The following SLC8A3 variants were observed in gnomAD, a reference collection of about 807,000 sequenced individuals.
The protein encoded by SLC8A3 is sodium/calcium exchanger 3.
SLC8A3 carries 37 observed loss-of-function variants against 65.4 expected under a neutral mutation model. The ratio of observed to expected loss-of-function variants is 0.57; its 90% confidence interval spans 0.44 to 0.74. SLC8A3 has a LOEUF of 0.74. Among genes scored for constraint, SLC8A3 ranks in the 30% least tolerant of loss-of-function variants. The probability of loss-of-function intolerance (pLI) is 0.00; values close to 1 mark genes in which losing one functional copy is unlikely to be tolerated. For missense variants in SLC8A3, 1,112 were observed against 1,172.1 expected (o/e 0.95, Z 0.75); for synonymous variants, 461 against 444.5 (o/e 1.04, Z -0.47).
At chr14:70,151,540 C>T (rs930704926) in intron 2 of SLC8A3, among the ~76,000 whole-genome samples, 9 of 152,166 alleles carry the variant, frequency 5.9e-5, no homozygotes, top group South Asian at 2.1e-4. Context: ...GCACAGAGGT[C>T]GCTCTTCTAT....
At chr14:70,127,112 T>G (rs183837350) in intron 2 of SLC8A3, among the ~76,000 whole-genome samples, 1 of 148,692 alleles carries the variant, frequency 6.7e-6, no homozygotes, top group African/African-American at 2.5e-5. Flanking sequence ...TTCCCTATAA[T>G]GGCTCCCAAA....
intron 2 of SLC8A3, among the ~76,000 whole-genome samples, chr14:70,120,690 G>C (rs1414165497): frequency 1.3e-5 from 2 of 152,220 alleles, no homozygotes; most frequent in Non-Finnish European, 2.9e-5. Flanking sequence ...CTTTGGCCAA[G>C]CCACACAATG....
intron 2 of SLC8A3, among the ~76,000 whole-genome samples, chr14:70,099,888 T>C (rs1892450896): frequency 6.6e-6 from 1 of 152,186 alleles, no homozygotes; most frequent in African/African-American, 2.4e-5. Context: ...CCTAAATCAC[T>C]ACCTTACAGC....
At chr14:70,133,665 C>G (rs1237526348) in intron 2 of SLC8A3, among the ~76,000 whole-genome samples, 1 of 152,066 alleles carries the variant, frequency 6.6e-6, no homozygotes, top group African/African-American at 2.4e-5. Flanking sequence ...ATTCAGCTGA[C>G]CTGGCAGGAA....
intron 2 of SLC8A3, among the ~76,000 whole-genome samples, chr14:70,147,151 A>G (rs928442400): frequency 1.3e-5 from 2 of 152,114 alleles, no homozygotes; most frequent in Non-Finnish European, 1.5e-5. Context: ...AAGGTTTTCT[A>G]TGGTATTTGA....
chr14:70,151,008 A>G (rs1294231010), intron 2 of SLC8A3, among the ~76,000 whole-genome samples: 1 of 152,156 alleles, frequency 6.6e-6, no homozygotes, highest in Non-Finnish European at 1.5e-5. Flanking sequence ...TAATCCCCGC[A>G]CTTTGAGAGG....
chr14:70,044,902 T>A lies in SLC8A3; in HGVS notation c.*1045A>T, dbSNP rs1479375324. ...AATACAAACTTTTCTCTTAAAGATCTCACTGGTTGGACATCTCTTCTCTCC... is the reference window on the plus strand; with the variant it reads ...AATACAAACTTTTCTCTTAAAGATCACACTGGTTGGACATCTCTTCTCTCC... On this transcript the variant is annotated 3_prime_UTR_variant, in exon 7 of 7. Coordinates refer to ENST00000356921, the MANE Select transcript of SLC8A3 (RefSeq NM_182932.3). The A allele has an allele frequency of 3.9e-5, 6 of 152,222 alleles. No homozygotes were observed. In the East Asian group the frequency reaches 9.6e-4, roughly 24 times the overall value. 9.4% of individuals were successfully genotyped at this position (152,222 alleles called of 1,614,324 possible). A position where few individuals can be genotyped will look rare whatever the true frequency, so the allele number is the denominator to read the frequency against.
intron 6 of SLC8A3, 106 bp downstream of exon 6, chr14:70,048,661 G>A: frequency 1.0e-6 from 1 of 1,003,722 alleles, no homozygotes. Flanking sequence ...CAGAGGCTCT[G>A]TTAAGTTCAG....
chr14:70,182,018 C>T (rs1882792922), intron 1 of SLC8A3, among the ~76,000 whole-genome samples: 1 of 152,072 alleles, frequency 6.6e-6, no homozygotes, highest in Non-Finnish European at 1.5e-5. Flanking sequence ...TATTTTTATA[C>T]AAGAGGTGAT....
chr14:70,156,667 A>G (rs1050030989), intron 2 of SLC8A3, among the ~76,000 whole-genome samples: 5 of 152,188 alleles, frequency 3.3e-5, no homozygotes, highest in African/African-American at 1.2e-4. Context: ...GATTTCCTGG[A>G]AAGGCATCAA....
chr14:70,086,358 T>C (rs1891431413), intron 2 of SLC8A3, among the ~76,000 whole-genome samples: 1 of 152,072 alleles, frequency 6.6e-6, no homozygotes, highest in African/African-American at 2.4e-5. Context: ...AAAACAATTT[T>C]TTTAATTTAA....
chr14:70,111,577 C>T (rs1893305698), intron 2 of SLC8A3, among the ~76,000 whole-genome samples: 1 of 152,040 alleles, frequency 6.6e-6, no homozygotes, highest in South Asian at 2.1e-4. Context: ...TTACAAGAGG[C>T]AGAATATAAT....
At chr14:70,177,484 G>A (rs564799227) in intron 1 of SLC8A3, among the ~76,000 whole-genome samples, 4 of 152,328 alleles carry the variant, frequency 2.6e-5, no homozygotes, top group Admixed American at 1.3e-4. Flanking sequence ...GGAAGGTATA[G>A]TACCTCTTGG....
chr14:70,120,142 G>A (rs1248185906), intron 2 of SLC8A3, among the ~76,000 whole-genome samples: 1 of 152,220 alleles, frequency 6.6e-6, no homozygotes, highest in Non-Finnish European at 1.5e-5. Flanking sequence ...CCATCCCCAA[G>A]TTGTGGCTTA....
intron 2 of SLC8A3, among the ~76,000 whole-genome samples, chr14:70,107,650 TAAGCTGCTTTCTAC>T (rs1403216712): frequency 6.6e-6 from 1 of 152,140 alleles, no homozygotes; most frequent in Non-Finnish European, 1.5e-5. Flanking sequence ...TCTTTTTATA[TAAGCTGCTTTCTAC>T]AATAGGAATG....
intron 2 of SLC8A3, among the ~76,000 whole-genome samples, chr14:70,143,398 G>A (rs1210173086): frequency 6.6e-6 from 1 of 152,178 alleles, no homozygotes; most frequent in Admixed American, 6.5e-5. Flanking sequence ...CTTGGCTCCA[G>A]AGCCTTGGCA....
At chr14:70,076,365 G>C (rs10130363) in intron 2 of SLC8A3, among the ~76,000 whole-genome samples, 8,833 of 152,266 alleles carry the variant, frequency 0.058, 266 homozygotes, top group Non-Finnish European at 0.065. Flanking sequence ...AGCTCCATGA[G>C]AGCAGGAACC....
intron 2 of SLC8A3, among the ~76,000 whole-genome samples, chr14:70,097,769 C>T (rs1177262061): frequency 3.3e-5 from 5 of 152,114 alleles, no homozygotes; most frequent in Admixed American, 2.6e-4. Flanking sequence ...CAAACAACCA[C>T]TCCAGCCTAA....
At chr14:70,060,969 C>A in intron 2 of SLC8A3, 30 bp from the exon 3 acceptor site, 1 of 1,036,560 alleles carries the variant, frequency 9.6e-7, no homozygotes, top group South Asian at 1.6e-5. Flanking sequence ...GAGAGTGTGT[C>A]GACTGGGTCG....
Sources: allele counts gnomAD v4.1 joint callset (sites outside exome capture counted in the v4.1 genomes callset), GRCh38; gene constraint gnomAD v4.1.1; transcripts MANE v1.5; gene names NCBI Gene and HGNC (gene_info 2026-07-23, HGNC 2026-07-21).